The following KALRN variants were observed in gnomAD, a reference collection of about 807,000 sequenced individuals.
The protein encoded by KALRN is kalirin RhoGEF kinase.
In KALRN, 70 loss-of-function variants were observed where a neutral mutation model predicts 353.7. That is an observed-to-expected ratio of 0.20 (90% CI 0.16 to 0.24). The LOEUF is 0.24. KALRN is among the 10% of genes least tolerant of loss of function. The pLI is 1.00. For missense variants in KALRN, 2,791 were observed against 3,756.7 expected, an observed-to-expected ratio of 0.74 and a Z score of 6.72; for synonymous variants, 1,391 against 1,434.8, an observed-to-expected ratio of 0.97 and a Z score of 0.69.
intron 1 of KALRN, chr3:124,133,087 A>C (rs1009074993): frequency 1.3e-5 from 2 of 152,702 alleles, no homozygotes; most frequent in African/African-American, 4.8e-5. Context: ...CCAACTGTGG[A>C]TCTGCATTCT....
chr3:124,160,647 A>G (rs1205682784), intron 1 of KALRN, among the ~76,000 whole-genome samples: 1 of 152,074 alleles, frequency 6.6e-6, no homozygotes, highest in Admixed American at 6.6e-5. Flanking sequence ...GGGTGGGGTA[A>G]GAGACAGCCT....
At chr3:124,299,868 G>A (rs567302355) in intron 6 of KALRN, among the ~76,000 whole-genome samples, 1 of 152,216 alleles carries the variant, frequency 6.6e-6, no homozygotes, top group South Asian at 2.1e-4. Context: ...TTTCAAAATT[G>A]TGTCTGCTCT....
chr3:124,420,715 A>G (rs2092740264), intron 14 of KALRN, among the ~76,000 whole-genome samples: 1 of 152,202 alleles, frequency 6.6e-6, no homozygotes, highest in African/African-American at 2.4e-5. Flanking sequence ...ATTACCATGT[A>G]ACACCAGAAA....
At chr3:124,502,117 G>A (rs1198698479) in intron 33 of KALRN, among the ~76,000 whole-genome samples, 1 of 152,138 alleles carries the variant, frequency 6.6e-6, no homozygotes, top group Non-Finnish European at 1.5e-5. Flanking sequence ...TCACAAATAG[G>A]AAAAAAGCAA....
intron 1 of KALRN, among the ~76,000 whole-genome samples, chr3:124,161,906 C>T (rs546785341): frequency 6.6e-6 from 1 of 152,210 alleles, no homozygotes; most frequent in African/African-American, 2.4e-5. Flanking sequence ...AAGATAGATA[C>T]CTTTTGGATT....
chr3:124,577,159 AC>A (rs990322588), intron 34 of KALRN, among the ~76,000 whole-genome samples: 1 of 149,394 alleles, frequency 6.7e-6, no homozygotes, highest in Non-Finnish European at 1.5e-5. Context: ...GGCCTGAACC[AC>A]CCCCCTACCT....
intron 48 of KALRN, 57 bp downstream of exon 48, chr3:124,671,955 T>C: frequency 7.7e-7 from 1 of 1,300,326 alleles, no homozygotes; most frequent in Admixed American, 1.8e-5. Flanking sequence ...GCCTCAGGGG[T>C]TACTTTAGGA....
At chr3:124,220,486 CCT>C (rs1184400816) in intron 1 of KALRN, among the ~76,000 whole-genome samples, 3 of 151,972 alleles carry the variant, frequency 2.0e-5, no homozygotes, top group Non-Finnish European at 2.9e-5. Context: ...ACTCTTGCCA[CCT>C]CTCTCTTTTT....
chr3:124,261,062 T>G (rs2072792056), intron 3 of KALRN, among the ~76,000 whole-genome samples: 1 of 140,848 alleles, frequency 7.1e-6, no homozygotes. Context: ...TTTTTTTTTG[T>G]ATTTTTGAGT....
At chr3:124,446,137 A>C (rs750475643) in intron 19 of KALRN, 24 bp from the exon 20 acceptor site, 2 of 1,547,814 alleles carry the variant, frequency 1.3e-6, no homozygotes, top group East Asian at 2.2e-5. Context: ...CCTTGTGACC[A>C]TCATGCATCT....
At chr3:124,220,568 A>C (rs1469150270) in intron 1 of KALRN, among the ~76,000 whole-genome samples, 3 of 152,176 alleles carry the variant, frequency 2.0e-5, no homozygotes, top group Non-Finnish European at 4.4e-5. Context: ...TCTTGCTTCT[A>C]ATAGGTTCTC....
chr3:124,563,221 C>A, intron 34 of KALRN, 132 bp downstream of exon 34: 1 of 977,826 alleles, frequency 1.0e-6, no homozygotes, highest in Non-Finnish European at 1.4e-6. Flanking sequence ...TCTTTGGGAC[C>A]TGACTGTGAA....
At chr3:124,454,444 A>G (rs952897957) in intron 21 of KALRN, among the ~76,000 whole-genome samples, 3 of 152,240 alleles carry the variant, frequency 2.0e-5, no homozygotes, top group Non-Finnish European at 2.9e-5. Flanking sequence ...TGGCTTTCAG[A>G]TACAGTAACA....
chr3:124,335,439 C>A (rs1423640772), intron 9 of KALRN, among the ~76,000 whole-genome samples: 1 of 152,092 alleles, frequency 6.6e-6, no homozygotes, highest in Non-Finnish European at 1.5e-5. Flanking sequence ...ATGTTTCTGA[C>A]CACAAAAGGA....
intron 3 of KALRN, among the ~76,000 whole-genome samples, chr3:124,240,082 A>G (rs2080253443): frequency 6.6e-6 from 1 of 152,244 alleles, no homozygotes. Flanking sequence ...GATACTTTTT[A>G]CACACATTTC....
At chr3:124,655,561 A>G in intron 38 of KALRN, 40 bp from the exon 39 acceptor site, 1 of 1,562,684 alleles carries the variant, frequency 6.4e-7, no homozygotes, top group Admixed American at 1.7e-5. Context: ...TTGGCTTAAC[A>G]ATGAAGAGGA....
chr3:124,067,340 G>A (rs1249818221), intron 1 of KALRN, among the ~76,000 whole-genome samples: 7 of 132,468 alleles, frequency 5.3e-5, no homozygotes, highest in Admixed American at 7.8e-5. Context: ...CTGTTGTGAT[G>A]GGGAATTACT....
intron 11 of KALRN, among the ~76,000 whole-genome samples, chr3:124,387,971 G>A (rs775634154): frequency 6.6e-6 from 1 of 151,794 alleles, no homozygotes; most frequent in African/African-American, 2.4e-5. Flanking sequence ...TGCTAGGCAG[G>A]GTAGAAAATA....
intron 33 of KALRN, among the ~76,000 whole-genome samples, chr3:124,549,374 C>T (rs980324252): frequency 2.0e-5 from 3 of 151,092 alleles, no homozygotes; most frequent in Non-Finnish European, 3.0e-5. Context: ...CATAATCTCA[C>T]ACACACACAA....
Sources: gnomAD v4.1 joint callset for allele counts (sites outside exome capture counted in the v4.1 genomes callset) on GRCh38, gnomAD v4.1.1 for gene constraint, MANE v1.5 for transcripts, NCBI Gene and HGNC (gene_info 2026-07-23, HGNC 2026-07-21) for gene names.